SLC4A4: variants seen among roughly 807,000 people sequenced by gnomAD.
SLC4A4 encodes the protein electrogenic sodium bicarbonate cotransporter 1.
Under a neutral mutation model 111.5 loss-of-function variants are expected in SLC4A4, and 27 were observed. The ratio of observed to expected loss-of-function variants is 0.24; its 90% confidence interval spans 0.18 to 0.33. The LOEUF (loss-of-function observed/expected upper bound fraction) is 0.33. SLC4A4 is among the 10% of genes least tolerant of loss of function. The probability of loss-of-function intolerance (pLI) is 1.00; values close to 1 mark genes in which losing one functional copy is unlikely to be tolerated. For missense variants in SLC4A4, 909 were observed against 1,315.5 expected, an observed-to-expected ratio of 0.69 and a Z score of 4.78; for synonymous variants, 443 against 463.4, an observed-to-expected ratio of 0.96 and a Z score of 0.57.
At chr4:71,304,186 A>G (rs1291096315) in intron 3 of SLC4A4, among the ~76,000 whole-genome samples, 2 of 152,220 alleles carry the variant, frequency 1.3e-5, no homozygotes, top group Non-Finnish European at 2.9e-5. Flanking sequence ...GGAGATATAC[A>G]TGTGCGTATA....
chr4:71,092,819 G>A (rs1030406190), intron 2 of SLC4A4, among the ~76,000 whole-genome samples: 5 of 152,172 alleles, frequency 3.3e-5, no homozygotes, highest in Admixed American at 6.5e-5. Flanking sequence ...TATATGGGCC[G>A]GGTACAGTGG....
chr4:71,168,534 T>C (rs540159334), intron 2 of SLC4A4, among the ~76,000 whole-genome samples: 1 of 152,282 alleles, frequency 6.6e-6, no homozygotes, highest in South Asian at 2.1e-4. Flanking sequence ...ACTGTTGTGC[T>C]AGCAAATATC....
intron 14 of SLC4A4, among the ~76,000 whole-genome samples, chr4:71,479,312 C>T (rs1728656221): frequency 6.6e-6 from 1 of 151,640 alleles, no homozygotes; most frequent in South Asian, 2.1e-4. Context: ...CCATGGCTTC[C>T]AGTTCCATAC....
intron 2 of SLC4A4, among the ~76,000 whole-genome samples, chr4:71,108,706 C>A (rs1323342923): frequency 6.6e-6 from 1 of 152,034 alleles, no homozygotes; most frequent in African/African-American, 2.4e-5. Flanking sequence ...AATTTTTAGC[C>A]ATTGTTTCTT....
intron 1 of SLC4A4, among the ~76,000 whole-genome samples, chr4:71,204,937 A>G (rs527910843): frequency 6.6e-6 from 1 of 152,346 alleles, no homozygotes; most frequent in African/African-American, 2.4e-5. Flanking sequence ...GATGGCTAAC[A>G]CTGGGGTTAA....
intron 2 of SLC4A4, among the ~76,000 whole-genome samples, chr4:71,113,301 C>T (rs1484674190): frequency 6.6e-6 from 1 of 152,188 alleles, no homozygotes; most frequent in African/African-American, 2.4e-5. Flanking sequence ...TTTACTTGGC[C>T]TTGTACACAT....
chr4:71,410,346 G>A (rs1721257099), intron 7 of SLC4A4, among the ~76,000 whole-genome samples: 1 of 152,074 alleles, frequency 6.6e-6, no homozygotes, highest in Non-Finnish European at 1.5e-5. Flanking sequence ...CAGGGGTGGA[G>A]CTGCCCAAGA....
At chr4:71,361,559 A>G (rs1730792549) in intron 6 of SLC4A4, among the ~76,000 whole-genome samples, 3 of 152,222 alleles carry the variant, frequency 2.0e-5, no homozygotes, top group African/African-American at 7.2e-5. Flanking sequence ...ATAATGTTGC[A>G]TGAAGAAATT....
chr4:71,155,900 C>T (rs1286909559), intron 2 of SLC4A4, among the ~76,000 whole-genome samples: 1 of 152,190 alleles, frequency 6.6e-6, no homozygotes, highest in African/African-American at 2.4e-5. Flanking sequence ...TTTGATATGA[C>T]AGCTATTGCA....
intron 2 of SLC4A4, among the ~76,000 whole-genome samples, chr4:71,170,207 G>GTT (rs1560756417): frequency 6.6e-6 from 1 of 152,046 alleles, no homozygotes; most frequent in East Asian, 1.9e-4. Flanking sequence ...TATTTTATAT[G>GTT]TTTGTTTACT....
intron 20 of SLC4A4, among the ~76,000 whole-genome samples, chr4:71,551,356 A>G (rs1181074504): frequency 6.6e-6 from 1 of 151,906 alleles, no homozygotes; most frequent in African/African-American, 2.4e-5. Context: ...AATATGCCAC[A>G]ATATGTCACT....
chr4:71,362,564 T>G (rs1730891400), intron 6 of SLC4A4, among the ~76,000 whole-genome samples: 1 of 152,210 alleles, frequency 6.6e-6, no homozygotes, highest in South Asian at 2.1e-4. Context: ...TAGCTTACTA[T>G]TTGGAAAGAA....
chr4:71,386,398 C>T (rs1425487540), intron 6 of SLC4A4, among the ~76,000 whole-genome samples: 1 of 151,854 alleles, frequency 6.6e-6, no homozygotes. Context: ...ATATTATATT[C>T]TCTTTGATAA....
At chr4:71,497,172 A>G (rs1159748905) in intron 15 of SLC4A4, among the ~76,000 whole-genome samples, 1 of 152,114 alleles carries the variant, frequency 6.6e-6, no homozygotes, top group Non-Finnish European at 1.5e-5. Context: ...TGAGACTTAG[A>G]ATATTAATGT....
intron 1 of SLC4A4, among the ~76,000 whole-genome samples, chr4:71,212,264 A>G (rs927098889): frequency 6.6e-6 from 1 of 152,074 alleles, no homozygotes; most frequent in African/African-American, 2.4e-5. Flanking sequence ...TTTTTCTCTA[A>G]TGGGCTGTTC....
intron 2 of SLC4A4, among the ~76,000 whole-genome samples, chr4:71,165,551 CA>C (rs1190614869): frequency 4.0e-5 from 6 of 151,792 alleles, no homozygotes; most frequent in Non-Finnish European, 5.9e-5. Flanking sequence ...TGGGGCCTGT[CA>C]GGGGGTGGGG....
intron 3 of SLC4A4, among the ~76,000 whole-genome samples, chr4:71,300,004 C>T (rs1165948186): frequency 6.6e-6 from 1 of 152,110 alleles, no homozygotes; most frequent in Non-Finnish European, 1.5e-5. Context: ...ATTCTTTAGT[C>T]TGGAAGAACT....
At chr4:71,467,057 C>A (rs1727438196) in intron 13 of SLC4A4, among the ~76,000 whole-genome samples, 1 of 151,744 alleles carries the variant, frequency 6.6e-6, no homozygotes, top group Admixed American at 6.6e-5. Context: ...TCCCCGAGGA[C>A]TTTAGCCCCT....
intron 7 of SLC4A4, among the ~76,000 whole-genome samples, chr4:71,426,921 C>A (rs1232640542): frequency 2.0e-5 from 3 of 151,988 alleles, no homozygotes; most frequent in Non-Finnish European, 4.4e-5. Context: ...CTTTATTACC[C>A]TTAAGTATTC....
Sources: allele counts gnomAD v4.1 joint callset (sites outside exome capture counted in the v4.1 genomes callset), GRCh38; gene constraint gnomAD v4.1.1; transcripts MANE v1.5; gene names NCBI Gene and HGNC (gene_info 2026-07-23, HGNC 2026-07-21).